Variants in MGAM observed in about 807,000 individuals in gnomAD.
MGAM encodes alpha-1,4-glucosidase.
In MGAM, 253 loss-of-function variants were observed where a neutral mutation model predicts 358.8. The observed-to-expected ratio is 0.71, with a 90% confidence interval of 0.64 to 0.78. The LOEUF (loss-of-function observed/expected upper bound fraction) is 0.78. MGAM is among the 30% of genes least tolerant of loss of function. The probability of loss-of-function intolerance (pLI) is 0.00; values close to 1 mark genes in which losing one functional copy is unlikely to be tolerated. For synonymous variants in MGAM, 1,105 were observed against 1,227.1 expected, an observed-to-expected ratio of 0.90 and a Z score of 2.08; for missense variants, 3,080 against 3,432.6, an observed-to-expected ratio of 0.90 and a Z score of 2.57.
chr7:142,105,847 A>G lies in MGAM; in HGVS notation c.8218A>G (p.Ser2740Gly), dbSNP rs1394063676. Reference protein sequence around the residue: ...LSIDVTDRNISLHNFTSLTWI... With the variant: ...LSIDVTDRNIGLHNFTSLTWI... The stretch of plus-strand genomic sequence containing the variant: ...CATCGATGTGACTGACAGAAACATC[A>G]GCCTACATAATTTTACTTCATTGAC... The change falls in exon 71 of 71, where the codon AGC becomes GGC. Residue 2740 changes from serine (S) to glycine (G), a missense_variant. Physicochemically the swap from Ser to Gly is moderately conservative, Grantham distance 56 (BLOSUM62 0). Coordinates refer to ENST00000475668, the MANE Select transcript of MGAM (RefSeq NM_001365693.1). 6.2e-7 allele frequency: 1 copy of G among 1,613,586 alleles called. No individual in the cohort carries two copies. The highest frequency in any genetic ancestry group is 8.5e-7 in the Non-Finnish European group (1 of 1,179,546).
At chr7:142,040,041 T>C (rs1808357598) in intron 19 of MGAM, 74 bp from the exon 20 acceptor site, 2 of 1,162,138 alleles carry the variant, frequency 1.7e-6, no homozygotes, top group Non-Finnish European at 2.5e-6. Flanking sequence ...TGTGTATGAT[T>C]AAGAAATTCC....
chr7:142,018,210 G>A (rs1456223488), intron 3 of MGAM, among the ~76,000 whole-genome samples: 2 of 152,268 alleles, frequency 1.3e-5, no homozygotes, highest in African/African-American at 4.8e-5. Flanking sequence ...TGGGATGATC[G>A]TTTTCAAGCT....
chr7:142,008,478 G>C (rs1466023508), intron 2 of MGAM, 28 bp from the exon 3 acceptor site: 11 of 1,574,386 alleles, frequency 7.0e-6, no homozygotes, highest in Non-Finnish European at 9.5e-6. Flanking sequence ...TTTGTCTAAT[G>C]GTCTTTTTAT....
chr7:142,011,083 G>A (rs1206169026), intron 3 of MGAM, among the ~76,000 whole-genome samples: 2 of 152,096 alleles, frequency 1.3e-5, no homozygotes, highest in South Asian at 2.1e-4. Flanking sequence ...AGATAAACCC[G>A]CATGCCCTAA....
chr7:142,060,176 T>A, intron 33 of MGAM, 135 bp from the exon 34 acceptor site: 1 of 1,361,802 alleles, frequency 7.3e-7, no homozygotes. Context: ...AGTTCACTTT[T>A]CTTTTATGTC....
intron 57 of MGAM, among the ~76,000 whole-genome samples, chr7:142,088,866 TATCTA>T (rs1435104508): frequency 2.9e-5 from 4 of 139,984 alleles, no homozygotes; most frequent in African/African-American, 1.0e-4. Context: ...TCTATCTATC[TATCTA>T]ATCTATCTCC....
intron 3 of MGAM, among the ~76,000 whole-genome samples, chr7:142,013,587 G>A (rs1457354067): frequency 6.6e-6 from 1 of 152,102 alleles, no homozygotes; most frequent in African/African-American, 2.4e-5. Context: ...AATTACTTTC[G>A]AGAAAGTTTC....
intron 34 of MGAM, 91 bp from the exon 35 acceptor site, chr7:142,062,477 A>T: frequency 2.0e-6 from 3 of 1,494,954 alleles, no homozygotes; most frequent in Non-Finnish European, 2.7e-6. Flanking sequence ...CATGCAGTTG[A>T]AGTATTTGTG....
At chr7:142,055,897 A>G (rs1585023568) in intron 28 of MGAM, 103 bp from the exon 29 acceptor site, 10 of 1,450,550 alleles carry the variant, frequency 6.9e-6, no homozygotes, top group African/African-American at 5.6e-5. Flanking sequence ...GTCTAGTTTC[A>G]TGGAGAAAAC....
At chr7:142,053,093 CTA>C in intron 26 of MGAM, 109 bp downstream of exon 26, 2 of 1,203,110 alleles carry the variant, frequency 1.7e-6, no homozygotes, top group East Asian at 2.5e-5. Flanking sequence ...CTACAACAGA[CTA>C]TATCATTATC....
intron 40 of MGAM, 117 bp downstream of exon 40, chr7:142,065,948 TTTTTG>T (rs1308445812): frequency 1.2e-6 from 1 of 839,832 alleles, no homozygotes; most frequent in South Asian, 1.9e-5. Context: ...AAGGTGTTTT[TTTTTG>T]TTTTGTTTTG....
intron 2 of MGAM, among the ~76,000 whole-genome samples, chr7:142,006,211 C>A (rs1231859743): frequency 9.2e-5 from 14 of 151,678 alleles, no homozygotes; most frequent in Admixed American, 7.9e-4. Flanking sequence ...AATGAATGCC[C>A]TTTATAGATT....
chr7:142,082,398 A>G, intron 51 of MGAM, 77 bp from the exon 52 acceptor site: 1 of 1,308,758 alleles, frequency 7.6e-7, no homozygotes, highest in Non-Finnish European at 1.1e-6. Context: ...CCATCTTAGC[A>G]AGCATATTTT....
intron 1 of MGAM, among the ~76,000 whole-genome samples, chr7:141,999,341 A>G (rs1804543820): frequency 6.6e-6 from 1 of 152,168 alleles, no homozygotes; most frequent in Admixed American, 6.5e-5. Context: ...TATTTGATAA[A>G]ACTATAATCT....
Position 142,090,031 on chromosome 7 carries a change from A to G in MGAM, c.6811-1882A>G, listed in dbSNP as rs776381436. On this transcript the variant is annotated intron_variant, in intron 57 of 70. Coordinates refer to ENST00000475668, the MANE Select transcript of MGAM (RefSeq NM_001365693.1). ...TCAATAAGTCTGATGGGATCTAGGA[A>G]TTGCATTTTGTAGCATGCAATGTGC... 2.7e-5 allele frequency among the ~76,000 whole-genome samples: 4 copies of G among 145,652 alleles called. 1 individual carries two copies. Among genetic ancestry groups the G allele is most frequent in the Non-Finnish European group, 6.2e-5 (4 of 64,414 alleles).
At chr7:142,038,734 AAG>A in intron 19 of MGAM, 119 bp downstream of exon 19, 1 of 682,128 alleles carries the variant, frequency 1.5e-6, no homozygotes, top group South Asian at 2.3e-5. Flanking sequence ...GTCAGCCTTG[AAG>A]AGAGTGTGCT....
intron 2 of MGAM, among the ~76,000 whole-genome samples, chr7:141,988,083 T>G (rs1803786610): frequency 1.3e-5 from 2 of 151,110 alleles, no homozygotes; most frequent in South Asian, 4.2e-4. Flanking sequence ...AGGTCAGGAG[T>G]TCAAGACCAG....
At position 142,022,427 on chromosome 7, in the gene MGAM, A is replaced by T. The variant is rs1254087193; in HGVS notation, c.870A>T (p.Thr290=). Residue 290 remains threonine, a synonymous_variant, in exon 7 of 71, where the codon ACA becomes ACT. Transcript: ENST00000475668. ...WKTWPIFNRD[T]TPNGNGTNLY... ...CCTGGCCCATATTTAACAGAGACAC[A>T]ACTCCCAATGGAGTAAGCTTTCAAA... 2.5e-6 allele frequency: 4 copies of T among 1,613,018 alleles called. No homozygotes were observed. The highest frequency in any genetic ancestry group is 3.4e-6 in the Non-Finnish European group (4 of 1,179,420).
chr7:142,087,808 G>A (rs1814896575), intron 57 of MGAM, among the ~76,000 whole-genome samples: 1 of 146,450 alleles, frequency 6.8e-6, no homozygotes, highest in East Asian at 2.0e-4. Context: ...CATGTTGTGG[G>A]CACAAATCCC....
Sources: gnomAD v4.1 joint callset for allele counts (sites outside exome capture counted in the v4.1 genomes callset) on GRCh38, gnomAD v4.1.1 for gene constraint, MANE v1.5 for transcripts, NCBI Gene and HGNC (gene_info 2026-07-23, HGNC 2026-07-21) for gene names.